The following ELOVL5 variants were observed in gnomAD, a reference collection of about 807,000 sequenced individuals.
ELOVL5 encodes very long chain fatty acid elongase 5.
In ELOVL5, 8 loss-of-function variants were observed where a neutral mutation model predicts 38.6. The observed-to-expected ratio is 0.21, with a 90% CI of 0.12 to 0.37. The LOEUF is 0.37. Ranked by LOEUF, ELOVL5 falls within the 10% of genes least tolerant of loss-of-function variation. ELOVL5 has a pLI of 1.00. For synonymous variants in ELOVL5, 127 were observed against 133.7 expected (o/e 0.95, Z 0.34); for missense variants, 280 against 367.8 (o/e 0.76, Z 1.95).
At chr6:53,307,787 A>C (rs1767645693) in intron 1 of ELOVL5, among the ~76,000 whole-genome samples, 1 of 152,250 alleles carries the variant, frequency 6.6e-6, no homozygotes, top group African/African-American at 2.4e-5. Flanking sequence ...ACCTTAGTAC[A>C]GAGCAGAAAT....
intron 1 of ELOVL5, among the ~76,000 whole-genome samples, chr6:53,325,107 G>A (rs895778811): frequency 2.0e-5 from 3 of 152,084 alleles, no homozygotes; most frequent in East Asian, 1.9e-4. Flanking sequence ...AGGTCCACTC[G>A]CTAACATGAA....
At chr6:53,317,499 T>C (rs544824937) in intron 1 of ELOVL5, among the ~76,000 whole-genome samples, 12 of 152,222 alleles carry the variant, frequency 7.9e-5, no homozygotes, top group African/African-American at 2.6e-4. Flanking sequence ...TGTAGGGACA[T>C]AGATGAAACT....
At chr6:53,297,492 A>G (rs1767053508) in intron 1 of ELOVL5, among the ~76,000 whole-genome samples, 1 of 152,182 alleles carries the variant, frequency 6.6e-6, no homozygotes, top group Non-Finnish European at 1.5e-5. Context: ...TGTCCAGCGT[A>G]TCCTCACCGT....
intron 3 of ELOVL5, among the ~76,000 whole-genome samples, chr6:53,282,028 T>G (rs1177157581): frequency 6.6e-6 from 1 of 152,200 alleles, no homozygotes; most frequent in African/African-American, 2.4e-5. Flanking sequence ...CCTCTTATGC[T>G]AGCAGTTCTC....
At chr6:53,301,714 C>T (rs1182124970) in intron 1 of ELOVL5, among the ~76,000 whole-genome samples, 7 of 148,134 alleles carry the variant, frequency 4.7e-5, no homozygotes, top group African/African-American at 1.5e-4. Flanking sequence ...AAATGGATTA[C>T]GGGCAGGTAA....
At position 53,268,662 on chromosome 6, in the gene ELOVL5, A is replaced by T. The variant is rs1310296873; in HGVS notation, c.*465T>A. 1 of 152,822 alleles carries T rather than the reference A, an allele frequency of 6.5e-6. No homozygotes were observed. Among genetic ancestry groups the T allele is most frequent in the Non-Finnish European group, 1.5e-5 (1 of 68,190 alleles). 9.5% of individuals were successfully genotyped at this position (152,822 alleles called of 1,614,324 possible). ...TTACAAATTAATACAAACTTGAAAC[A>T]TACCCTAATTTAAACTAATAAGCTT... On this transcript the variant is annotated 3_prime_UTR_variant, in exon 8 of 8. Coordinates refer to ENST00000304434, the MANE Select transcript of ELOVL5 (RefSeq NM_021814.5).
chr6:53,315,075 G>A (rs1219020466), intron 1 of ELOVL5, among the ~76,000 whole-genome samples: 1 of 152,220 alleles, frequency 6.6e-6, no homozygotes, highest in Non-Finnish European at 1.5e-5. Flanking sequence ...AGCACATGCT[G>A]CTAGATTAAA....
chr6:53,337,853 CAG>C (rs1269926277), intron 1 of ELOVL5, among the ~76,000 whole-genome samples: 2 of 152,140 alleles, frequency 1.3e-5, no homozygotes, highest in Non-Finnish European at 2.9e-5. Flanking sequence ...CTTAGAAGGA[CAG>C]AGAGTATGAA....
chr6:53,335,601 T>C (rs1490458844), intron 1 of ELOVL5, among the ~76,000 whole-genome samples: 1 of 152,166 alleles, frequency 6.6e-6, no homozygotes, highest in Non-Finnish European at 1.5e-5. Context: ...CTGTTTATTT[T>C]GTCACTATCC....
intron 6 of ELOVL5, among the ~76,000 whole-genome samples, chr6:53,271,423 G>A (rs536958964): frequency 2.2e-4 from 33 of 152,206 alleles, no homozygotes; most frequent in Non-Finnish European, 3.8e-4. Context: ...GGTGGCACAC[G>A]CCGGTAGTCC....
chr6:53,276,296 G>T, intron 3 of ELOVL5, 40 bp from the exon 4 acceptor site: 1 of 1,282,474 alleles, frequency 7.8e-7, no homozygotes, highest in Non-Finnish European at 1.1e-6. Context: ...CAGCATCTGA[G>T]CCATGTAAAG....
At chr6:53,306,799 T>C (rs1191830686) in intron 1 of ELOVL5, among the ~76,000 whole-genome samples, 4 of 152,210 alleles carry the variant, frequency 2.6e-5, no homozygotes, top group Non-Finnish European at 4.4e-5. Flanking sequence ...GAAGTGGTGA[T>C]AACTTTTAAT....
chr6:53,296,690 C>T (rs1325735464), intron 1 of ELOVL5, among the ~76,000 whole-genome samples: 1 of 152,162 alleles, frequency 6.6e-6, no homozygotes, highest in Non-Finnish European at 1.5e-5. Context: ...TTCTAAGATT[C>T]TATAGCTCCC....
chr6:53,330,800 T>C lies in ELOVL5; in HGVS notation c.-9+18017A>G, dbSNP rs563832846. ...TATACTCATTCTGTAAGCTTTTTTC[T>C]ATTAATTTTTCTTTTAAAACTTTTT... On this transcript the variant is annotated intron_variant, in intron 1 of 7. Coordinates refer to ENST00000304434, the MANE Select transcript of ELOVL5 (RefSeq NM_021814.5). 3.9e-5 allele frequency among the ~76,000 whole-genome samples: 6 copies of C among 152,316 alleles called. No homozygotes were observed. In the East Asian group the frequency reaches 9.6e-4, roughly 24 times the overall value.
chr6:53,331,625 G>C (rs1429709750), intron 1 of ELOVL5, among the ~76,000 whole-genome samples: 1 of 152,128 alleles, frequency 6.6e-6, no homozygotes, highest in African/African-American at 2.4e-5. Flanking sequence ...ACCAAAATAT[G>C]GTTATGCAGT....
chr6:53,289,047 C>G lies in ELOVL5; in HGVS notation c.246+2729G>C, dbSNP rs570224338. On this transcript the variant is annotated intron_variant, in intron 3 of 7. Transcript: ENST00000304434. ...CCAGCCTGGGCAACAGAGTGAGACT[C>G]TGTCTCAAACAAACAAAAAAACCCC... Among the ~76,000 whole-genome samples, 17 of 152,040 alleles carry G rather than the reference C, an allele frequency of 1.1e-4. No individual in the cohort carries two copies. In the East Asian group the frequency reaches 3.1e-3, roughly 28 times the overall value.
intron 1 of ELOVL5, among the ~76,000 whole-genome samples, chr6:53,331,278 A>G (rs1561891234): frequency 6.6e-6 from 1 of 152,158 alleles, no homozygotes; most frequent in Non-Finnish European, 1.5e-5. Flanking sequence ...GTGAGCTGTG[A>G]TTACACCACT....
rs540460940 is a variant in ELOVL5 at position 53,317,370 on chromosome 6, G to C, written c.-8-21663C>G. Among the ~76,000 whole-genome samples the C allele has an allele frequency of 4.9e-4, 74 of 152,206 alleles. 1 individual carries two copies. Among genetic ancestry groups the C allele is most frequent in the African/African-American group, 1.6e-3 (68 of 41,512 alleles). On this transcript the variant is annotated intron_variant, in intron 1 of 7. Coordinates refer to ENST00000304434, the MANE Select transcript of ELOVL5 (RefSeq NM_021814.5). ...GTATGTTTATTGTGGCACTATTCACGATAGCAAAGACCTGGAACCAACCCA... is the reference window on the plus strand; with the variant it reads ...GTATGTTTATTGTGGCACTATTCACCATAGCAAAGACCTGGAACCAACCCA...
chr6:53,323,348 G>A (rs1009301905), intron 1 of ELOVL5, among the ~76,000 whole-genome samples: 1 of 152,126 alleles, frequency 6.6e-6, no homozygotes, highest in African/African-American at 2.4e-5. Flanking sequence ...ACGTTTATGT[G>A]ACACTTAATT....
Sources: allele counts gnomAD v4.1 joint callset (sites outside exome capture counted in the v4.1 genomes callset), GRCh38; gene constraint gnomAD v4.1.1; transcripts MANE v1.5; gene names NCBI Gene and HGNC (gene_info 2026-07-23, HGNC 2026-07-21).